FNBP4: variants seen among roughly 807,000 people sequenced by gnomAD.
FNBP4 encodes formin-binding protein 4.
Under a neutral mutation model 119.3 loss-of-function variants are expected in FNBP4, and 34 were observed. The observed-to-expected ratio is 0.28, with a 90% CI of 0.22 to 0.38. FNBP4 has a LOEUF of 0.38. FNBP4 is among the 10% of genes least tolerant of loss of function. The probability of loss-of-function intolerance (pLI) is 1.00; values close to 1 mark genes in which losing one functional copy is unlikely to be tolerated. For synonymous variants in FNBP4, 462 were observed against 430.6 expected, an observed-to-expected ratio of 1.07 and a Z score of -0.90; for missense variants, 1,112 against 1,228.9, an observed-to-expected ratio of 0.90 and a Z score of 1.42.
chr11:47,751,818 C>T (rs1441554650), intron 4 of FNBP4, among the ~76,000 whole-genome samples: 1 of 151,460 alleles, frequency 6.6e-6, no homozygotes, highest in Admixed American at 6.6e-5. Context: ...CGTGGTGGTG[C>T]GTGCCTGTAA....
intron 12 of FNBP4, 66 bp downstream of exon 12, chr11:47,731,308 G>C: frequency 7.0e-7 from 1 of 1,422,020 alleles, no homozygotes; most frequent in Non-Finnish European, 9.5e-7. Flanking sequence ...TTTTAATAAT[G>C]TAAATTAATA....
intron 12 of FNBP4, chr11:47,729,108 C>A: frequency 1.1e-6 from 1 of 947,006 alleles, no homozygotes; most frequent in Non-Finnish European, 1.3e-6. Flanking sequence ...CGCCTCAGCC[C>A]CCCAAAGTAT....
rs548261535 is a variant in FNBP4 at position 47,723,084 on chromosome 11, G to C, written c.2697C>G (p.Thr899=). 2.5e-6 allele frequency: 4 copies of C among 1,611,978 alleles called. No individual in the cohort carries two copies. The South Asian group carries it at 4.4e-5, about 18-fold the overall frequency. Residue 899 remains threonine, a synonymous_variant, in exon 15 of 17, where the codon ACC becomes ACG. Coordinates refer to ENST00000263773, the MANE Select transcript of FNBP4 (RefSeq NM_015308.5). ...QPVQARGAVP[T]ATIIEPPPPP... The stretch of plus-strand genomic sequence containing the variant: ...GTGGTGGTGGTTCTATAATGGTAGC[G>C]GTAGGCACAGCACCTCGGGCCTGAA...
At position 47,767,136 on chromosome 11, in the gene FNBP4, C is replaced by T; in HGVS notation, c.153G>A (p.Pro51=). 6.5e-7 allele frequency: 1 copy of T among 1,543,408 alleles called. No individual in the cohort carries two copies. Among genetic ancestry groups the T allele is most frequent in the Non-Finnish European group, 8.7e-7 (1 of 1,150,058 alleles). The change falls in exon 1 of 17, where the codon CCG becomes CCA. Residue 51 remains proline, a synonymous_variant. Transcript: ENST00000263773. The part of the protein sequence containing the change: ...STAAVPSQPA[P]SAATTTTTAV... ...CGGTGGTGGTGGTCGTCGCCGCCGACGGGGCGGGCTGGCTGGGGACCGCCG... is the reference window on the plus strand; with the variant it reads ...CGGTGGTGGTGGTCGTCGCCGCCGATGGGGCGGGCTGGCTGGGGACCGCCG...
At chr11:47,757,771 G>T (rs1334660777) in intron 2 of FNBP4, among the ~76,000 whole-genome samples, 3 of 152,204 alleles carry the variant, frequency 2.0e-5, no homozygotes, top group Non-Finnish European at 2.9e-5. Flanking sequence ...TGGGACTACA[G>T]GCATGAGCCA....
intron 8 of FNBP4, among the ~76,000 whole-genome samples, chr11:47,740,614 G>A (rs879525651): frequency 3.4e-5 from 5 of 148,494 alleles, no homozygotes; most frequent in Non-Finnish European, 7.4e-5. Flanking sequence ...TTTTTTCCCC[G>A]AGACAGTCTC....
At position 47,723,129 on chromosome 11, in the gene FNBP4, A is replaced by G; in HGVS notation, c.2652T>C (p.Thr884=). 1 of 1,614,068 alleles carries G rather than the reference A, an allele frequency of 6.2e-7. No homozygotes were observed. The highest frequency in any genetic ancestry group is 2.2e-5 in the East Asian group (1 of 44,852). Reference sequence around the variant, plus strand: ...CCTGAACTGGCTGCAATGAGGGAGCAGTCACTCCAATTGGGACAGAACATT... The same window carrying G: ...CCTGAACTGGCTGCAATGAGGGAGCGGTCACTCCAATTGGGACAGAACATT... ...YAECSVPIGV[T]APSLQPVQAR... Residue 884 remains threonine, a synonymous_variant, in exon 15 of 17, where the codon ACT becomes ACC. Transcript: ENST00000263773.
rs940501421 is a variant in FNBP4, at chr11:47,751,150, G to C, written c.778C>G (p.Gln260Glu). The C allele has an allele frequency of 6.2e-7, 1 of 1,614,098 alleles. No homozygotes were observed. The highest frequency in any genetic ancestry group is 8.5e-7 in the Non-Finnish European group (1 of 1,180,026). The change falls in exon 5 of 17, where the codon CAG (glutamine) becomes GAG (glutamate). Residue 260 changes from glutamine (Q) to glutamate (E), a missense_variant. By Grantham distance (29) the Gln-to-Glu change is conservative (BLOSUM62 2). Transcript: ENST00000263773. ...ATQVQGLQHY[Q>E]PSSVPGAETS... ...TTTTAAATTTATTCTTACCTGGGCTGGTAATGCTGTAATCCCTGTACCTGT... is the reference window on the plus strand; with the variant it reads ...TTTTAAATTTATTCTTACCTGGGCTCGTAATGCTGTAATCCCTGTACCTGT...
chr11:47,749,527 G>A (rs904164948), intron 6 of FNBP4, among the ~76,000 whole-genome samples: 1 of 152,096 alleles, frequency 6.6e-6, no homozygotes, highest in Non-Finnish European at 1.5e-5. Flanking sequence ...CTCCCTTCCA[G>A]CCTGGGTAAC....
Position 47,717,257 on chromosome 11 carries a change from T to C in FNBP4, c.*165A>G, listed in dbSNP as rs1050602023. The stretch of plus-strand genomic sequence containing the variant: ...TCATCCCTTTGCAAAAACAGAAAAA[T>C]TACATTTCACAAAAGTGAAAACTTT... On this transcript the variant is annotated 3_prime_UTR_variant, in exon 17 of 17. Coordinates refer to ENST00000263773, the MANE Select transcript of FNBP4 (RefSeq NM_015308.5). The C allele has an allele frequency of 1.9e-5, 11 of 571,528 alleles. No homozygotes were observed. Among genetic ancestry groups the C allele is most frequent in the African/African-American group, 1.7e-4 (9 of 53,244 alleles). The allele number at this position is 571,528 out of a possible 1,614,324, so 35.4% of individuals were successfully genotyped here.
chr11:47,734,417 C>G (rs892681966), intron 9 of FNBP4, among the ~76,000 whole-genome samples: 17 of 152,070 alleles, frequency 1.1e-4, no homozygotes, highest in African/African-American at 3.9e-4. Flanking sequence ...AAAGGTCTTG[C>G]TATTGCCCAG....
At chr11:47,760,436 G>GTT (rs111640171) in intron 2 of FNBP4, among the ~76,000 whole-genome samples, 5 of 132,442 alleles carry the variant, frequency 3.8e-5, no homozygotes, top group African/African-American at 5.5e-5. Context: ...GTATTTTTTT[G>GTT]TTTTTTTTTT....
chr11:47,756,718 C>T (rs950111455), intron 2 of FNBP4, among the ~76,000 whole-genome samples: 5 of 150,636 alleles, frequency 3.3e-5, no homozygotes, highest in South Asian at 2.2e-4. Context: ...TGACAGGCCC[C>T]GGTGTGTGAT....
chr11:47,729,111 CA>C, intron 12 of FNBP4: 1 of 966,578 alleles, frequency 1.0e-6, no homozygotes, highest in Non-Finnish European at 1.2e-6. Flanking sequence ...CTCAGCCCCC[CA>C]AAGTATTGGG....
intron 10 of FNBP4, among the ~76,000 whole-genome samples, chr11:47,733,239 T>C (rs1214981698): frequency 2.6e-5 from 4 of 152,220 alleles, no homozygotes; most frequent in Non-Finnish European, 5.9e-5. Context: ...TCTTCCCTTT[T>C]GGACTTATTA....
chr11:47,730,467 T>G (rs2097566102), intron 12 of FNBP4, among the ~76,000 whole-genome samples: 1 of 152,250 alleles, frequency 6.6e-6, no homozygotes, highest in South Asian at 2.1e-4. Flanking sequence ...TTTCATTTGG[T>G]ACATTACTAG....
chr11:47,744,428 C>A (rs1039221516), intron 7 of FNBP4, among the ~76,000 whole-genome samples: 5 of 151,906 alleles, frequency 3.3e-5, no homozygotes, highest in Non-Finnish European at 5.9e-5. Flanking sequence ...CACATGTCAT[C>A]ATACTTTTTT....
At chr11:47,757,957 C>A (rs955209618) in intron 2 of FNBP4, among the ~76,000 whole-genome samples, 2 of 152,234 alleles carry the variant, frequency 1.3e-5, no homozygotes, top group African/African-American at 2.4e-5. Flanking sequence ...AGAGTCACAA[C>A]CCACCATGCC....
In FNBP4 at chr11:47,724,706, G is replaced by T. The variant is rs2135077631; in HGVS notation, c.2081C>A (p.Thr694Asn). The T allele has an allele frequency of 6.2e-7, 1 of 1,612,460 alleles. No individual in the cohort carries two copies. Among genetic ancestry groups the T allele is most frequent in the East Asian group, 2.2e-5 (1 of 44,838 alleles). Residue 694 changes from threonine to asparagine, a missense_variant, in exon 13 of 17, where the codon ACC becomes AAC. Coordinates refer to ENST00000263773, the MANE Select transcript of FNBP4 (RefSeq NM_015308.5). ...CACAGGAACATTTGACTGAAGGAGG[G>T]TCCAGAATGGAGTAAGTGGCATGAG... ...SSLMPLTPFW[T>N]LLQSNVPVLQ...
Sources: allele counts gnomAD v4.1 joint callset (sites outside exome capture counted in the v4.1 genomes callset), GRCh38; gene constraint gnomAD v4.1.1; transcripts MANE v1.5; gene names NCBI Gene and HGNC (gene_info 2026-07-23, HGNC 2026-07-21).